Variants in ZFR observed in about 807,000 individuals in gnomAD.
ZFR encodes zinc finger RNA binding protein, also known as zinc finger RNA-binding protein.
Under a neutral mutation model 130.7 loss-of-function variants are expected in ZFR, and 19 were observed. The observed-to-expected ratio is 0.15, with a 90% CI of 0.10 to 0.21. The LOEUF is 0.21. Among genes scored for constraint, ZFR ranks in the 10% least tolerant of loss-of-function variants. The pLI, the probability that ZFR is intolerant of heterozygous loss-of-function variation, is 1.00. For synonymous variants in ZFR, 466 were observed against 456.9 expected, an observed-to-expected ratio of 1.02 and a Z score of -0.25; for missense variants, 872 against 1,321.5, an observed-to-expected ratio of 0.66 and a Z score of 5.27.
chr5:32,369,471 G>T (rs1752613226), intron 17 of ZFR, among the ~76,000 whole-genome samples: 1 of 145,700 alleles, frequency 6.9e-6, no homozygotes, highest in Non-Finnish European at 1.5e-5. Context: ...CTTTACATTT[G>T]ATATATCATT....
chr5:32,371,969 T>C (rs1183429048), intron 17 of ZFR, among the ~76,000 whole-genome samples: 1 of 151,790 alleles, frequency 6.6e-6, no homozygotes, highest in Non-Finnish European at 1.5e-5. Context: ...GTAAAATAGG[T>C]TCAGGAAACA....
intron 10 of ZFR, 112 bp from the exon 11 acceptor site, chr5:32,395,416 T>A (rs1240944707): frequency 7.5e-6 from 6 of 800,514 alleles, no homozygotes; most frequent in Non-Finnish European, 3.5e-6. Flanking sequence ...TAGTTGCAAG[T>A]TTCCCACTAG....
At chr5:32,444,537 A>C in intron 1 of ZFR, 85 bp downstream of exon 1, 8 of 1,406,284 alleles carry the variant, frequency 5.7e-6, no homozygotes, top group Non-Finnish European at 6.5e-6. Context: ...TCCTCCCCGG[A>C]GCCTGCCCCA....
At chr5:32,393,270 G>A (rs767357188) in intron 11 of ZFR, among the ~76,000 whole-genome samples, 1 of 151,694 alleles carries the variant, frequency 6.6e-6, no homozygotes. Context: ...AAATATACAT[G>A]TAACCATATT....
intron 4 of ZFR, 138 bp downstream of exon 4, chr5:32,417,510 G>A: frequency 1.0e-6 from 1 of 980,656 alleles, no homozygotes; most frequent in Middle Eastern, 2.4e-4. Flanking sequence ...AAGGCATTTA[G>A]TAGGACAGGT....
intron 6 of ZFR, among the ~76,000 whole-genome samples, chr5:32,405,979 T>A (rs184808219): frequency 6.6e-6 from 1 of 152,330 alleles, no homozygotes; most frequent in Admixed American, 6.5e-5. Context: ...GAGATGGATA[T>A]AACTTGGAGA....
At chr5:32,388,385 C>G in intron 13 of ZFR, 84 bp downstream of exon 13, 1 of 1,270,406 alleles carries the variant, frequency 7.9e-7, no homozygotes, top group Non-Finnish European at 1.1e-6. Context: ...ACCAGAGTTA[C>G]CAGTCATAAG....
chr5:32,390,382 C>G lies in ZFR; in HGVS notation c.2035G>C (p.Asp679His), dbSNP rs1423723410. The change falls in exon 12 of 20, where the codon GAT becomes CAT. Residue 679 changes from aspartate to histidine, a missense_variant. Around this residue, in one of 7 missense-constraint regions of ZFR, gnomAD observed 225 missense variants for 282.4 expected, o/e 0.80. Transcript: ENST00000265069. The part of the protein sequence containing the change: ...RRMEEEQHHW[D>H]DRRRMPDGGY... ...CCATCTGGCATTCGGCGGCGATCATCCCAATGATGTTGTTCTTCCTCCATT... is the reference window on the plus strand; with the variant it reads ...CCATCTGGCATTCGGCGGCGATCATGCCAATGATGTTGTTCTTCCTCCATT... The G allele has an allele frequency of 1.2e-6, 2 of 1,614,192 alleles. No homozygotes were observed. Among genetic ancestry groups the G allele is most frequent in the Non-Finnish European group, 8.5e-7 (1 of 1,180,032 alleles).
At position 32,439,240 on chromosome 5, in the gene ZFR, T is replaced by C. The variant is rs186693328; in HGVS notation, c.137+4989A>G. 3.8e-3 allele frequency among the ~76,000 whole-genome samples: 585 copies of C among 152,320 alleles called. 2 individuals carry two copies. Among genetic ancestry groups the C allele is most frequent in the Non-Finnish European group, 6.6e-3 (451 of 68,014 alleles). ...GTTATTAGTCGTTGCAATATTTCTT[T>C]TTCTTGTAAAGCCAGTAAATTTCCA... On this transcript the variant is annotated intron_variant, in intron 2 of 19. Transcript: ENST00000265069.
Position 32,444,256 on chromosome 5 carries a change from G to GCCGCCC in ZFR, c.104_109dup (p.Gly35_Ala36dup). On this transcript the variant is annotated inframe_insertion, in exon 2 of 20. Coordinates refer to ENST00000265069, the MANE Select transcript of ZFR (RefSeq NM_016107.5). ...ATATTGGGCCGCAGCCGCCGCCGCC[G>GCCGCCC]CCGCCCCGCTGTGGGTGAATCCAAA... The GCCGCCC allele has an allele frequency of 6.4e-7, 1 of 1,570,072 alleles. No individual in the cohort carries two copies. The highest frequency in any genetic ancestry group is 2.4e-5 in the East Asian group (1 of 42,286).
At chr5:32,430,946 G>A (rs192319134) in intron 2 of ZFR, among the ~76,000 whole-genome samples, 2 of 152,084 alleles carry the variant, frequency 1.3e-5, no homozygotes, top group Non-Finnish European at 2.9e-5. Flanking sequence ...GCATGGTGGC[G>A]TGCCTGTAAT....
At chr5:32,435,231 C>T (rs374569002) in intron 2 of ZFR, among the ~76,000 whole-genome samples, 5 of 152,094 alleles carry the variant, frequency 3.3e-5, no homozygotes, top group Admixed American at 1.3e-4. Context: ...TTTATACTCA[C>T]GAAAAATAAA....
In ZFR at chr5:32,439,804, T is replaced by TG. The variant is rs71598944; in HGVS notation, c.137+4424_137+4425insC. On this transcript the variant is annotated intron_variant, in intron 2 of 19. Transcript: ENST00000265069. ...GGGTGAGAGAGCGAGACCATGTCTTTAAAAAAAAAAAAAAAAAAAAAAAAG... is the reference window on the plus strand; with the variant it reads ...GGGTGAGAGAGCGAGACCATGTCTTTGAAAAAAAAAAAAAAAAAAAAAAAAG... 5.5e-5 allele frequency among the ~76,000 whole-genome samples: 4 copies of TG among 72,452 alleles called. No individual in the cohort carries two copies. In the East Asian group the frequency reaches 1.9e-3, roughly 35 times the overall value. The allele number at this position is 72,452 out of a possible 152,430, so 47.5% of individuals were successfully genotyped here.
chr5:32,429,875 G>A (rs1754163374), intron 2 of ZFR, among the ~76,000 whole-genome samples: 1 of 151,942 alleles, frequency 6.6e-6, no homozygotes, highest in Admixed American at 6.6e-5. Flanking sequence ...TTGACACTAG[G>A]CTGGGTAATA....
intron 10 of ZFR, among the ~76,000 whole-genome samples, chr5:32,396,459 G>C (rs907406025): frequency 6.6e-6 from 1 of 151,602 alleles, no homozygotes; most frequent in African/African-American, 2.4e-5. Flanking sequence ...TTCAAATACA[G>C]GCCAGGCACG....
intron 17 of ZFR, among the ~76,000 whole-genome samples, chr5:32,369,682 T>C (rs1752618064): frequency 6.6e-6 from 1 of 151,938 alleles, no homozygotes; most frequent in Non-Finnish European, 1.5e-5. Flanking sequence ...CATGGTAGCA[T>C]GCACCTACAG....
intron 9 of ZFR, 152 bp downstream of exon 9, chr5:32,399,855 G>T: frequency 2.8e-6 from 2 of 726,210 alleles, no homozygotes; most frequent in Non-Finnish European, 4.1e-6. Flanking sequence ...TAAAGGACAT[G>T]CTTTCTTATA....
intron 6 of ZFR, among the ~76,000 whole-genome samples, chr5:32,404,726 T>C (rs960546253): frequency 6.6e-6 from 1 of 152,254 alleles, no homozygotes; most frequent in East Asian, 1.9e-4. Flanking sequence ...AAAATCATTG[T>C]GAATGCACAT....
At chr5:32,428,782 C>T (rs528116566) in intron 2 of ZFR, among the ~76,000 whole-genome samples, 78 of 152,234 alleles carry the variant, frequency 5.1e-4, no homozygotes, top group African/African-American at 1.8e-3. Flanking sequence ...AGGGAGGCCC[C>T]GATTCTGTTG....
Sources: gnomAD v4.1 joint callset for allele counts (sites outside exome capture counted in the v4.1 genomes callset) on GRCh38, gnomAD v4.1.1 for gene constraint, gnomAD v4.1.1 regional missense constraint, MANE v1.5 for transcripts, NCBI Gene and HGNC (gene_info 2026-07-23, HGNC 2026-07-21) for gene names.